Variants in LRRD1 observed in about 807,000 individuals in gnomAD.
LRRD1 encodes leucine rich repeats and death domain containing 1.
Under a neutral mutation model 69.5 loss-of-function variants are expected in LRRD1, and 49 were observed. That is an observed-to-expected ratio of 0.70 (90% CI 0.56 to 0.89). LRRD1 has a LOEUF of 0.89. Among genes scored for constraint, LRRD1 ranks in the 40% least tolerant of loss-of-function variants. The pLI, the probability that LRRD1 is intolerant of heterozygous loss-of-function variation, is 0.00. For missense variants in LRRD1, 853 were observed against 956.0 expected, an observed-to-expected ratio of 0.89 and a Z score of 1.42; for synonymous variants, 303 against 338.9, an observed-to-expected ratio of 0.89 and a Z score of 1.16.
At chr7:92,147,724 CT>C (rs1820363130) in intron 4 of LRRD1, among the ~76,000 whole-genome samples, 1 of 151,896 alleles carries the variant, frequency 6.6e-6, no homozygotes, top group South Asian at 2.1e-4. Context: ...GACAAAGGTA[CT>C]GTGAGTTTTT....
chr7:92,158,611 A>C (rs1386512653), intron 3 of LRRD1, among the ~76,000 whole-genome samples: 1 of 152,004 alleles, frequency 6.6e-6, no homozygotes, highest in Non-Finnish European at 1.5e-5. Flanking sequence ...ACTCCATGTA[A>C]GGTATTAGAG....
At chr7:92,144,023 C>G (rs1286457038), downstream of LRRD1, among the ~76,000 whole-genome samples, 1 of 152,180 alleles carries the variant, frequency 6.6e-6, no homozygotes, top group Admixed American at 6.5e-5. Flanking sequence ...TGCATTCCCC[C>G]TATGAAAGGT....
chr7:92,159,323 A>AT (rs747833129), intron 2 of LRRD1, 120 bp from the exon 3 acceptor site: 6 of 671,820 alleles, frequency 8.9e-6, no homozygotes, highest in African/African-American at 5.8e-5. Context: ...TAAAAAGGAG[A>AT]TTTTTTATTA....
At chr7:92,146,601 A>G (rs1158595899) in intron 4 of LRRD1, among the ~76,000 whole-genome samples, 1 of 117,166 alleles carries the variant, frequency 8.5e-6, no homozygotes, top group African/African-American at 3.6e-5. Context: ...TGGGCAACAG[A>G]GCAAGACTGT....
intron 4 of LRRD1, 122 bp from the exon 5 acceptor site, chr7:92,146,322 A>C (rs1820322272): frequency 1.7e-6 from 1 of 578,158 alleles, no homozygotes; most frequent in African/African-American, 1.9e-5. Flanking sequence ...AGTAAAACTG[A>C]AAATGACAAT....
intron 3 of LRRD1, among the ~76,000 whole-genome samples, chr7:92,157,291 C>T (rs900071710): frequency 7.2e-5 from 11 of 152,010 alleles, no homozygotes; most frequent in Non-Finnish European, 8.8e-5. Flanking sequence ...AATATTGACT[C>T]AACCTTGCAT....
intron 2 of LRRD1, 25 bp from the exon 3 acceptor site, chr7:92,159,228 A>G (rs1305026830): frequency 7.5e-7 from 1 of 1,341,206 alleles, no homozygotes; most frequent in Non-Finnish European, 9.9e-7. Flanking sequence ...ACACAATTAT[A>G]CATTTATAAA....
chr7:92,146,707 G>A (rs1259694540), intron 4 of LRRD1, among the ~76,000 whole-genome samples: 1 of 151,640 alleles, frequency 6.6e-6, no homozygotes, highest in Non-Finnish European at 1.5e-5. Flanking sequence ...GATCACCTGA[G>A]GTCGGGAGTT....
downstream of LRRD1, chr7:92,142,235 C>A: frequency 3.1e-6 from 1 of 325,476 alleles, no homozygotes. Context: ...AGCCACCCTG[C>A]CCGGGCTCCA....
At chr7:92,174,878 A>G (rs1259747762) in intron 1 of LRRD1, among the ~76,000 whole-genome samples, 1 of 151,840 alleles carries the variant, frequency 6.6e-6, no homozygotes, top group Non-Finnish European at 1.5e-5. Context: ...CCTGGCCAAC[A>G]TGGAGAAACC....
At chr7:92,171,829 C>T (rs1242504505) in intron 1 of LRRD1, among the ~76,000 whole-genome samples, 7 of 152,268 alleles carry the variant, frequency 4.6e-5, no homozygotes, top group South Asian at 2.1e-4. Flanking sequence ...TGATCAAGTG[C>T]GATTCATCCC....
chr7:92,144,880 TC>T lies in LRRD1; in HGVS notation c.*7del. On this transcript the variant is annotated 3_prime_UTR_variant, in exon 6 of 6. Coordinates refer to ENST00000458448, the MANE Select transcript of LRRD1 (RefSeq NM_001161528.2). The stretch of plus-strand genomic sequence containing the variant: ...AAAAGTTTTCAGTTTTTATTATTGA[TC>T]CACTGGTTAGAATTTAATTGCACGC... 1 of 1,448,266 alleles carries T rather than the reference TC, an allele frequency of 6.9e-7. No homozygotes were observed. Among genetic ancestry groups the T allele is most frequent in the Admixed American group, 2.3e-5 (1 of 43,392 alleles). 89.7% of individuals were successfully genotyped at this position (1,448,266 alleles called of 1,614,324 possible).
intron 1 of LRRD1, among the ~76,000 whole-genome samples, chr7:92,174,509 ATTTT>A (rs35052440): frequency 0.023 from 296 of 12,772 alleles, 13 homozygotes; most frequent in Middle Eastern, 0.12. Context: ...ATATATATAT[ATTTT>A]TTTTTTTTTT....
In LRRD1 at chr7:92,166,242, T is replaced by C. The variant is rs536334748; in HGVS notation, c.-74-966A>G. On this transcript the variant is annotated intron_variant, in intron 1 of 5. Coordinates refer to ENST00000458448, the MANE Select transcript of LRRD1 (RefSeq NM_001161528.2). Reference sequence around the variant, plus strand: ...GACCCAGTATTTTCCCTTTGTCCCTTTAGCCTTAGGGTTGGTAGCTACTTC... The same window carrying C: ...GACCCAGTATTTTCCCTTTGTCCCTCTAGCCTTAGGGTTGGTAGCTACTTC... Among the ~76,000 whole-genome samples, 100 of 152,302 alleles carry C rather than the reference T, an allele frequency of 6.6e-4. 1 individual carries two copies. The highest frequency in any genetic ancestry group is 2.7e-3 in the South Asian group (13 of 4,826).
intron 3 of LRRD1, among the ~76,000 whole-genome samples, chr7:92,153,202 C>A (rs1167512968): frequency 6.6e-6 from 1 of 151,854 alleles, no homozygotes; most frequent in Non-Finnish European, 1.5e-5. Context: ...GTAGCTGGGA[C>A]CATAGGCACA....
chr7:92,176,975 A>G (rs1203704816), intron 1 of LRRD1, among the ~76,000 whole-genome samples: 1 of 148,688 alleles, frequency 6.7e-6, no homozygotes, highest in Non-Finnish European at 1.5e-5. Context: ...ACAAGAATAT[A>G]TTACTTGTAT....
rs1257909813 is a variant in LRRD1, at chr7:92,164,945, T to C, written c.258A>G (p.Gln86=). The part of the protein sequence containing the change: ...KRNEEQKKNL[Q]FSETSTRTGT... ...CTGTTCTAGTGCTTGTTTCAGAAAA[T>C]TGAAGATTTTTCTTTTGTTCTTCAT... The change falls in exon 2 of 6, where the codon CAA becomes CAG. Residue 86 remains glutamine, a synonymous_variant. Transcript: ENST00000458448. 1 of 1,551,358 alleles carries C rather than the reference T, an allele frequency of 6.4e-7. No individual in the cohort carries two copies. Among genetic ancestry groups the C allele is most frequent in the African/African-American group, 1.4e-5 (1 of 73,026 alleles).
At chr7:92,174,240 A>C (rs1789116097) in intron 1 of LRRD1, among the ~76,000 whole-genome samples, 1 of 151,778 alleles carries the variant, frequency 6.6e-6, no homozygotes, top group African/African-American at 2.4e-5. Context: ...TAGACGAAAT[A>C]AGGCCTAGTG....
Position 92,164,121 on chromosome 7 carries a change from A to G in LRRD1, c.1082T>C (p.Leu361Ser), listed in dbSNP as rs764793155. Residue 361 changes from leucine (L) to serine (S), a missense_variant, in exon 2 of 6, where the codon TTG becomes TCG. By Grantham distance (145) the Leu-to-Ser change is moderately radical. This residue lies in a region of LRRD1 where 739 missense variants were observed against 808.0 expected (regional missense o/e 0.91). Coordinates refer to ENST00000458448, the MANE Select transcript of LRRD1 (RefSeq NM_001161528.2). Reference sequence around the variant, plus strand: ...CTCAATTTTGTGTGAAATAACTTCCAATTTATTGTCGGCCAGTTGGAGTTC... The same window carrying G: ...CTCAATTTTGTGTGAAATAACTTCCGATTTATTGTCGGCCAGTTGGAGTTC... ...IKELQLADNK[L>S]EVISHKIENF... is the part of the protein sequence containing the mutation. The G allele has an allele frequency of 1.0e-5, 16 of 1,549,452 alleles. No homozygotes were observed. The highest frequency in any genetic ancestry group is 1.4e-5 in the Non-Finnish European group (16 of 1,146,296).
Sources: gnomAD v4.1 joint callset for allele counts (sites outside exome capture counted in the v4.1 genomes callset) on GRCh38, gnomAD v4.1.1 for gene constraint, gnomAD v4.1.1 regional missense constraint, MANE v1.5 for transcripts, NCBI Gene and HGNC (gene_info 2026-07-23, HGNC 2026-07-21) for gene names.